The following DLGAP2 variants were observed in gnomAD, a reference collection of about 807,000 sequenced individuals.
The protein encoded by DLGAP2 is DLG associated protein 2.
A neutral mutation model predicts 100.3 loss-of-function variants in DLGAP2; 26 were observed. That is an observed-to-expected ratio of 0.26 (90% confidence interval 0.19 to 0.36). The LOEUF is 0.36. Ranked by LOEUF, DLGAP2 falls within the 10% of genes least tolerant of loss-of-function variation. The pLI, the probability that DLGAP2 is intolerant of heterozygous loss-of-function variation, is 1.00. For missense variants in DLGAP2, 1,858 were observed against 1,453.2 expected (o/e 1.28, Z -4.53); for synonymous variants, 886 against 630.1 (o/e 1.41, Z -6.08).
At chr8:971,718 G>T (rs968734577) in intron 2 of DLGAP2, among the ~76,000 whole-genome samples, 2 of 152,150 alleles carry the variant, frequency 1.3e-5, no homozygotes, top group African/African-American at 4.8e-5. Flanking sequence ...TACTCTCAGA[G>T]GATTGTATTC....
At chr8:1,082,197 T>C (rs1421986797) in intron 2 of DLGAP2, among the ~76,000 whole-genome samples, 1 of 152,178 alleles carries the variant, frequency 6.6e-6, no homozygotes, top group Non-Finnish European at 1.5e-5. Flanking sequence ...CTTGTCGATC[T>C]AGAACTCGAG....
At chr8:1,240,442 C>G (rs1461980655) in intron 2 of DLGAP2, among the ~76,000 whole-genome samples, 1 of 151,174 alleles carries the variant, frequency 6.6e-6, no homozygotes, top group African/African-American at 2.4e-5. Context: ...AGTTCTGTCA[C>G]ATGGCGCCAT....
intron 1 of DLGAP2, among the ~76,000 whole-genome samples, chr8:791,917 C>G (rs542980644): frequency 6.6e-6 from 1 of 152,310 alleles, no homozygotes; most frequent in Admixed American, 6.5e-5. Flanking sequence ...GAGTTAACCC[C>G]TAACGACGTC....
intron 1 of DLGAP2, among the ~76,000 whole-genome samples, chr8:896,815 C>T (rs966931029): frequency 6.6e-6 from 1 of 152,190 alleles, no homozygotes; most frequent in Non-Finnish European, 1.5e-5. Context: ...GCCCCCCAGT[C>T]TGTGGCTTTT....
intron 2 of DLGAP2, among the ~76,000 whole-genome samples, chr8:997,167 T>C (rs1800805699): frequency 6.6e-6 from 1 of 152,236 alleles, no homozygotes; most frequent in African/African-American, 2.4e-5. Flanking sequence ...CTCATGATCC[T>C]CAGTTTCTGA....
chr8:922,031 G>C (rs549915074), intron 2 of DLGAP2, among the ~76,000 whole-genome samples: 3 of 152,260 alleles, frequency 2.0e-5, no homozygotes, highest in Non-Finnish European at 2.9e-5. Context: ...ATGCTGGCCC[G>C]GGTGTGGCAC....
intron 3 of DLGAP2, among the ~76,000 whole-genome samples, chr8:1,446,679 G>A (rs1797993508): frequency 6.6e-6 from 1 of 152,132 alleles, no homozygotes; most frequent in Admixed American, 6.5e-5. Flanking sequence ...AAATTACCTT[G>A]GGCAGTATGG....
At position 1,185,087 on chromosome 8, in the gene DLGAP2, C is replaced by T. The variant is rs571582148; in HGVS notation, c.74-73764C>T. 1.4e-4 allele frequency among the ~76,000 whole-genome samples: 21 copies of T among 152,080 alleles called. 1 individual carries two copies. Among genetic ancestry groups the T allele is most frequent in the African/African-American group, 2.9e-4 (12 of 41,402 alleles). ...GGTCGGGCGAGGGTTCTGCGTCTTG[C>T]GGCCTCTCTTGGGGTGTTGGGGCAG... is the stretch of plus-strand genomic sequence containing the variant. On this transcript the variant is annotated intron_variant, in intron 2 of 14. Coordinates refer to ENST00000637795, the MANE Select transcript of DLGAP2 (RefSeq NM_001346810.2).
chr8:1,346,206 C>G (rs530260795), intron 3 of DLGAP2, among the ~76,000 whole-genome samples: 1 of 151,294 alleles, frequency 6.6e-6, no homozygotes, highest in Non-Finnish European at 1.5e-5. Context: ...ATTGCACTCA[C>G]GGTAGCTGTG....
At chr8:1,503,530 C>A (rs1157774816) in intron 4 of DLGAP2, among the ~76,000 whole-genome samples, 1 of 152,090 alleles carries the variant, frequency 6.6e-6, no homozygotes. Flanking sequence ...TGGACAGACC[C>A]CGGGTCGCTT....
Position 1,634,995 on chromosome 8 carries a change from G to A in DLGAP2, c.1810+1949G>A, listed in dbSNP as rs1417881354. Among the ~76,000 whole-genome samples, 4 of 152,290 alleles carry A rather than the reference G, an allele frequency of 2.6e-5. No homozygotes were observed. In the South Asian group the frequency reaches 8.3e-4, roughly 32 times the overall value. The stretch of plus-strand genomic sequence containing the variant: ...GTCAGAATTTCCTCTAGGTGATGCA[G>A]GGGACTGTCCAAGTTATGTGACATC... On this transcript the variant is annotated intron_variant, in intron 8 of 14. Coordinates refer to ENST00000637795, the MANE Select transcript of DLGAP2 (RefSeq NM_001346810.2).
chr8:1,084,872 T>A (rs1181358503), intron 2 of DLGAP2, among the ~76,000 whole-genome samples: 1 of 152,196 alleles, frequency 6.6e-6, no homozygotes, highest in Non-Finnish European at 1.5e-5. Flanking sequence ...TGATTTCAGA[T>A]CTGTTTCTGA....
At chr8:1,542,718 G>C (rs1376549581) in intron 4 of DLGAP2, among the ~76,000 whole-genome samples, 1 of 152,170 alleles carries the variant, frequency 6.6e-6, no homozygotes, top group African/African-American at 2.4e-5. Flanking sequence ...ACAGGCTTTT[G>C]CCTGGATGTG....
At chr8:890,015 G>A (rs549310018) in intron 1 of DLGAP2, among the ~76,000 whole-genome samples, 118 of 152,176 alleles carry the variant, frequency 7.8e-4, no homozygotes, top group Non-Finnish European at 1.2e-3. Context: ...CCCCTTCCCC[G>A]TGTGTTTCTC....
At chr8:862,995 T>C (rs980078403) in intron 1 of DLGAP2, among the ~76,000 whole-genome samples, 6 of 152,208 alleles carry the variant, frequency 3.9e-5, no homozygotes, top group African/African-American at 1.4e-4. Context: ...TCTCCAGAAA[T>C]ACAGATATGA....
chr8:1,596,869 T>C (rs1198287227), intron 6 of DLGAP2, among the ~76,000 whole-genome samples: 2 of 152,366 alleles, frequency 1.3e-5, no homozygotes, highest in East Asian at 1.9e-4. Flanking sequence ...TTTACTTTCA[T>C]TAGATCCCAT....
At chr8:752,340 C>T (rs887858182) in intron 1 of DLGAP2, among the ~76,000 whole-genome samples, 2 of 152,208 alleles carry the variant, frequency 1.3e-5, no homozygotes, top group Admixed American at 6.5e-5. Flanking sequence ...GCTCATGCCT[C>T]GCCTTCCTCC....
chr8:1,622,865 G>A (rs1479893085), intron 6 of DLGAP2, among the ~76,000 whole-genome samples: 2 of 152,162 alleles, frequency 1.3e-5, no homozygotes, highest in Non-Finnish European at 2.9e-5. Context: ...TGTAGGAGGG[G>A]GATTTTCAGG....
chr8:1,534,706 G>C (rs891748667), intron 4 of DLGAP2, among the ~76,000 whole-genome samples: 1 of 152,144 alleles, frequency 6.6e-6, no homozygotes, highest in Non-Finnish European at 1.5e-5. Flanking sequence ...GAACCTGCTG[G>C]TCTGAGAACC....
Sources: allele counts gnomAD v4.1 joint callset (sites outside exome capture counted in the v4.1 genomes callset), GRCh38; gene constraint gnomAD v4.1.1; transcripts MANE v1.5; gene names NCBI Gene and HGNC (gene_info 2026-07-23, HGNC 2026-07-21).